The following MOXD1 variants were observed in gnomAD, a reference collection of about 807,000 sequenced individuals.
The protein encoded by MOXD1 is monooxygenase DBH like 1.
In MOXD1, 62 loss-of-function variants were observed where a neutral mutation model predicts 66.6. That is an observed-to-expected ratio of 0.93 (90% CI 0.76 to 1.15). The LOEUF (loss-of-function observed/expected upper bound fraction) is 1.15. MOXD1 is among the 50% of genes most tolerant of loss of function. The pLI, the probability that MOXD1 is intolerant of heterozygous loss-of-function variation, is 0.00. For synonymous variants in MOXD1, 303 were observed against 281.9 expected, an observed-to-expected ratio of 1.07 and a Z score of -0.75; for missense variants, 847 against 754.6, an observed-to-expected ratio of 1.12 and a Z score of -1.44.
At chr6:132,327,302 G>C (rs1192707166) in intron 6 of MOXD1, among the ~76,000 whole-genome samples, 7 of 152,060 alleles carry the variant, frequency 4.6e-5, no homozygotes, top group Non-Finnish European at 1.0e-4. Context: ...TTCACATTGG[G>C]CTATAATTTC....
Position 132,328,498 on chromosome 6 carries a change from C to T in MOXD1, c.760G>A (p.Gly254Ser), listed in dbSNP as rs778040178. Residue 254 changes from glycine (G) to serine (S), a missense_variant, in exon 5 of 12, where the codon GGC becomes AGC. Physicochemically the swap from Gly to Ser is moderately conservative, Grantham distance 56 (BLOSUM62 0). Transcript: ENST00000367963. ...ATGTTGGGGTGATAGCACTCGTGGC[C>T]GGACTCCAGAACGCTGTCGTTAAAG... ...NNFNDSVLES[G>S]HECYHPNMPD... The T allele has an allele frequency of 6.9e-5, 112 of 1,613,990 alleles. 1 individual carries two copies. The South Asian group carries it at 9.7e-4, about 14-fold the overall frequency.
intron 10 of MOXD1, among the ~76,000 whole-genome samples, chr6:132,313,728 A>G (rs552437646): frequency 1.3e-5 from 2 of 152,272 alleles, no homozygotes; most frequent in African/African-American, 4.8e-5. Flanking sequence ...AGCCTGCCCA[A>G]CATGGAGAAA....
intron 1 of MOXD1, chr6:132,375,130 A>T (rs1562296765): frequency 5.9e-6 from 2 of 336,764 alleles, no homozygotes; most frequent in Non-Finnish European, 5.4e-6. Context: ...ATACAAAAAA[A>T]GTTTGATAAC....
chr6:132,299,287 A>G (rs1774477433), intron 10 of MOXD1, among the ~76,000 whole-genome samples: 1 of 152,158 alleles, frequency 6.6e-6, no homozygotes, highest in African/African-American at 2.4e-5. Context: ...AGAGAGGGAG[A>G]GAGGGAGACA....
In MOXD1 at chr6:132,311,329, T is replaced by TTATC. The variant is rs552238418; in HGVS notation, c.1508+4302_1508+4305dup. 3.3e-5 allele frequency among the ~76,000 whole-genome samples: 5 copies of TTATC among 151,504 alleles called. No homozygotes were observed. In the South Asian group the frequency reaches 1.0e-3, roughly 31 times the overall value. ...AGATTAGGGTTATCATTGAATTGAT[T>TTATC]TATCTAATCAAGTCATGTTAAATAT... On this transcript the variant is annotated intron_variant, in intron 10 of 11. Coordinates refer to ENST00000367963, the MANE Select transcript of MOXD1 (RefSeq NM_015529.4).
intron 4 of MOXD1, among the ~76,000 whole-genome samples, chr6:132,336,421 T>C (rs559940857): frequency 1.3e-5 from 2 of 152,316 alleles, no homozygotes; most frequent in East Asian, 3.9e-4. Context: ...CATATGATCA[T>C]GCTGACATGC....
At chr6:132,300,436 G>A (rs1329627658) in intron 10 of MOXD1, among the ~76,000 whole-genome samples, 1 of 152,102 alleles carries the variant, frequency 6.6e-6, no homozygotes, top group Non-Finnish European at 1.5e-5. Flanking sequence ...AAGATAAAAT[G>A]CCTAATTTGA....
At chr6:132,333,335 CAAAAAAAAA>C (rs35163669) in intron 4 of MOXD1, among the ~76,000 whole-genome samples, 3 of 72,492 alleles carry the variant, frequency 4.1e-5, no homozygotes, top group Non-Finnish European at 8.6e-5. Flanking sequence ...GACTCCGTCT[CAAAAAAAAA>C]AAAAAAAAAA....
intron 4 of MOXD1, among the ~76,000 whole-genome samples, chr6:132,331,600 C>T (rs1775319576): frequency 6.6e-6 from 1 of 152,114 alleles, no homozygotes; most frequent in African/African-American, 2.4e-5. Flanking sequence ...TTTAGACCTA[C>T]TATCTACTAG....
intron 4 of MOXD1, among the ~76,000 whole-genome samples, chr6:132,352,469 A>G (rs1362958841): frequency 3.3e-5 from 5 of 152,266 alleles, no homozygotes; most frequent in Admixed American, 1.3e-4. Context: ...GTTGATTTCT[A>G]GTTTTATTCC....
intron 10 of MOXD1, among the ~76,000 whole-genome samples, chr6:132,301,617 T>C (rs1331558399): frequency 6.6e-6 from 1 of 152,080 alleles, no homozygotes. Flanking sequence ...ATGGAAGATT[T>C]AACCAAGAAA....
chr6:132,306,712 A>G (rs891115139), intron 10 of MOXD1, among the ~76,000 whole-genome samples: 2 of 152,232 alleles, frequency 1.3e-5, no homozygotes, highest in Non-Finnish European at 2.9e-5. Flanking sequence ...AATATTCAAC[A>G]TTCTTAAAGA....
chr6:132,344,907 G>A (rs1005308454), intron 4 of MOXD1, among the ~76,000 whole-genome samples: 1 of 152,148 alleles, frequency 6.6e-6, no homozygotes, highest in Non-Finnish European at 1.5e-5. Flanking sequence ...TGACTCTTCA[G>A]TTGTCCAAGT....
At chr6:132,361,932 G>T (rs1251403877) in intron 4 of MOXD1, among the ~76,000 whole-genome samples, 5 of 152,160 alleles carry the variant, frequency 3.3e-5, no homozygotes, top group Non-Finnish European at 7.4e-5. Context: ...CTCAGTAAAG[G>T]TGTGAAAAAG....
intron 4 of MOXD1, among the ~76,000 whole-genome samples, chr6:132,339,378 C>A (rs1444781480): frequency 6.6e-6 from 1 of 151,998 alleles, no homozygotes; most frequent in Admixed American, 6.5e-5. Flanking sequence ...AACTCCCCAC[C>A]CACCAACAAA....
chr6:132,399,417 T>TC (rs1367779102), intron 1 of MOXD1, among the ~76,000 whole-genome samples: 1 of 152,228 alleles, frequency 6.6e-6, no homozygotes, highest in Non-Finnish European at 1.5e-5. Context: ...ATTCACTAAT[T>TC]ACTTTAAGAA....
chr6:132,315,923 GA>G (rs1774940513), intron 9 of MOXD1, 146 bp from the exon 10 acceptor site: 1 of 767,820 alleles, frequency 1.3e-6, no homozygotes, highest in Non-Finnish European at 2.0e-6. Flanking sequence ...TGGCTTTTTA[GA>G]AAGGTAGTGA....
At chr6:132,348,826 C>T (rs917414520) in intron 4 of MOXD1, among the ~76,000 whole-genome samples, 10 of 152,052 alleles carry the variant, frequency 6.6e-5, no homozygotes, top group African/African-American at 2.4e-4. Flanking sequence ...CCAAAAAAGA[C>T]TGCATTGTCT....
intron 4 of MOXD1, among the ~76,000 whole-genome samples, chr6:132,361,446 C>A (rs919169686): frequency 8.6e-5 from 13 of 152,004 alleles, no homozygotes; most frequent in African/African-American, 3.1e-4. Flanking sequence ...ATGTGTTCAC[C>A]CTTTACAATA....
Sources: allele counts gnomAD v4.1 joint callset (sites outside exome capture counted in the v4.1 genomes callset), GRCh38; gene constraint gnomAD v4.1.1; transcripts MANE v1.5; gene names NCBI Gene and HGNC (gene_info 2026-07-23, HGNC 2026-07-21).